Variants in PRDM10 observed in about 807,000 individuals in gnomAD.
The protein encoded by PRDM10 is PR domain zinc finger protein 10.
Under a neutral mutation model 133.1 loss-of-function variants are expected in PRDM10, and 65 were observed. That is an observed-to-expected ratio of 0.49 (90% CI 0.40 to 0.60). The LOEUF (loss-of-function observed/expected upper bound fraction) is 0.60. Ranked by LOEUF, PRDM10 falls within the 20% of genes least tolerant of loss-of-function variation. PRDM10 has a pLI of 0.00. For missense variants in PRDM10, 1,137 were observed against 1,507.1 expected (o/e 0.75, Z 4.07); for synonymous variants, 582 against 580.4 (o/e 1.00, Z -0.04).
Position 129,923,511 on chromosome 11 carries a change from C to G in PRDM10, c.1879-108G>C. The G allele has an allele frequency of 5.8e-6, 7 of 1,206,206 alleles. No homozygotes were observed. The highest frequency in any genetic ancestry group is 6.7e-6 in the Non-Finnish European group (6 of 889,846). 74.7% of individuals were successfully genotyped at this position (1,206,206 alleles called of 1,614,324 possible). On this transcript the variant is annotated intron_variant, in intron 12 of 20. Coordinates refer to ENST00000360871, the MANE Select transcript of PRDM10 (RefSeq NM_199437.2). The surrounding 1 kb of genome is among the most constrained non-coding windows in gnomAD (Gnocchi z 4.4). ...AGCCAAACGCATTACCATGGGTTTT[C>G]ATCAACCCCGCCGAGGAATCCAATC...
At position 129,945,982 on chromosome 11, in the gene PRDM10, A is replaced by C. The variant is rs921305314; in HGVS notation, c.521-970T>G. Among the ~76,000 whole-genome samples the C allele has an allele frequency of 6.6e-6, 1 of 152,134 alleles. No individual in the cohort carries two copies. The highest frequency in any genetic ancestry group is 1.9e-4 in the East Asian group (1 of 5,200). ...CCCAGGTGCAGTGGCTCAGCCTGTAATCCCAGCACTTTGGGAGGCTGAGGT... is the reference window on the plus strand; with the variant it reads ...CCCAGGTGCAGTGGCTCAGCCTGTACTCCCAGCACTTTGGGAGGCTGAGGT... On this transcript the variant is annotated intron_variant, in intron 5 of 20. Coordinates refer to ENST00000360871, the MANE Select transcript of PRDM10 (RefSeq NM_199437.2). This position sits in a 1 kb window ranked among gnomAD's most constrained non-coding sequence, Gnocchi z 4.2.
intron 10 of PRDM10, among the ~76,000 whole-genome samples, chr11:129,931,576 A>ATTTTTTT (rs66505343): frequency 2.8e-5 from 4 of 143,204 alleles, no homozygotes; most frequent in South Asian, 2.2e-4. Context: ...ATTTTATTTT[A>ATTTTTTT]TTTTTTTTTT....
intron 2 of PRDM10, among the ~76,000 whole-genome samples, chr11:129,958,567 C>A (rs1951740185): frequency 6.6e-6 from 1 of 152,140 alleles, no homozygotes; most frequent in African/African-American, 2.4e-5. Flanking sequence ...TTGCTTGAAC[C>A]TGGGAGGCAG....
chr11:129,956,358 A>T (rs1951697323), intron 3 of PRDM10, among the ~76,000 whole-genome samples: 1 of 152,200 alleles, frequency 6.6e-6, no homozygotes, highest in Admixed American at 6.5e-5. Context: ...ACCTGAGGTC[A>T]GGAGATCGAG....
intron 1 of PRDM10, among the ~76,000 whole-genome samples, chr11:129,993,893 A>G (rs1414902063): frequency 6.6e-6 from 1 of 152,154 alleles, no homozygotes; most frequent in African/African-American, 2.4e-5. Context: ...ATGTTTTAGA[A>G]TCAGCTTGTC....
rs745644202 is a variant in PRDM10, at chr11:129,910,583, C to T, written c.3056G>A (p.Ser1019Asn). ...QGLSPSHIQG[S>N]SSTQGQALQQ... ...CAGAGCCTGCCCCTGTGTGGAAGAACTGCCCTGGATGTGGGAGGGGCTGAG... is the reference window on the plus strand; with the variant it reads ...CAGAGCCTGCCCCTGTGTGGAAGAATTGCCCTGGATGTGGGAGGGGCTGAG... Residue 1019 changes from serine (S) to asparagine (N), a missense_variant, in exon 19 of 21, where the codon AGT becomes AAT. Ser to Asn is a conservative substitution (Grantham distance 46, BLOSUM62 1). Coordinates refer to ENST00000360871, the MANE Select transcript of PRDM10 (RefSeq NM_199437.2). 6.2e-7 allele frequency: 1 copy of T among 1,614,050 alleles called. No homozygotes were observed. The highest frequency in any genetic ancestry group is 8.5e-7 in the Non-Finnish European group (1 of 1,179,976).
At chr11:129,952,251 C>A (rs915423834) in intron 4 of PRDM10, among the ~76,000 whole-genome samples, 5 of 152,044 alleles carry the variant, frequency 3.3e-5, no homozygotes, top group African/African-American at 1.2e-4. Context: ...TAAAACTATC[C>A]CTTAATATTA....
intron 4 of PRDM10, among the ~76,000 whole-genome samples, chr11:129,952,686 T>G (rs1397949283): frequency 6.6e-6 from 1 of 151,778 alleles, no homozygotes; most frequent in Non-Finnish European, 1.5e-5. Flanking sequence ...CTGGCTAATT[T>G]TTTTAGTTTT....
At chr11:129,958,958 G>A (rs1251375785) in intron 2 of PRDM10, among the ~76,000 whole-genome samples, 2 of 152,214 alleles carry the variant, frequency 1.3e-5, no homozygotes, top group Non-Finnish European at 2.9e-5. Context: ...CCTGAGCTTG[G>A]CACATGGCCT....
chr11:129,979,484 C>T (rs1937980998), intron 1 of PRDM10, among the ~76,000 whole-genome samples: 1 of 152,138 alleles, frequency 6.6e-6, no homozygotes, highest in South Asian at 2.1e-4. Flanking sequence ...TCAGTCAGCT[C>T]CAGGGTGTGA....
rs3734076 is a variant in PRDM10, at chr11:129,905,704, C to T, written c.3201G>A (p.Gln1067=). Residue 1067 remains glutamine, a synonymous_variant, in exon 20 of 21, where the codon CAG becomes CAA. Coordinates refer to ENST00000360871, the MANE Select transcript of PRDM10 (RefSeq NM_199437.2). ...EIQMMTLPPG[Q]FVITDSGVAT... ...CCACACCACTGTCTGTAATCACAAA[C>T]TGACCCGGAGGAAGCGTCATCATTT... 0.051 allele frequency: 82,042 copies of T among 1,613,848 alleles called. 5,502 individuals carry two copies. Among genetic ancestry groups the T allele is most frequent in the East Asian group, 0.38 (16,977 of 44,858 alleles).
At chr11:129,953,059 C>T (rs568453564) in intron 4 of PRDM10, among the ~76,000 whole-genome samples, 8 of 152,124 alleles carry the variant, frequency 5.3e-5, no homozygotes, top group East Asian at 3.9e-4. Flanking sequence ...CTGCAACCTC[C>T]GCCTCCCAGG....
chr11:130,002,211 C>G (rs1440644189), intron 1 of PRDM10, among the ~76,000 whole-genome samples: 1 of 147,998 alleles, frequency 6.8e-6, no homozygotes, highest in South Asian at 2.1e-4. Context: ...CCGGAGCGCC[C>G]GCGCAACCGC....
chr11:129,963,375 GAA>G (rs58378372), intron 1 of PRDM10, among the ~76,000 whole-genome samples: 11,215 of 47,406 alleles, frequency 0.24, 1,605 homozygotes, highest in African/African-American at 0.43. Flanking sequence ...CCTGCTGAAA[GAA>G]AAAAGAGAGA....
chr11:129,976,070 G>T (rs956506620), intron 1 of PRDM10, among the ~76,000 whole-genome samples: 1 of 152,132 alleles, frequency 6.6e-6, no homozygotes, highest in Middle Eastern at 3.2e-3. Context: ...GACATGGAAG[G>T]TCCTGTCCAG....
chr11:129,926,349 T>C (rs1291996340), intron 11 of PRDM10, among the ~76,000 whole-genome samples: 1 of 152,180 alleles, frequency 6.6e-6, no homozygotes, highest in Non-Finnish European at 1.5e-5. Context: ...TGAAGACTCA[T>C]TCATCCGTTC....
At chr11:129,931,748 T>G (rs1464303561) in intron 10 of PRDM10, among the ~76,000 whole-genome samples, 1 of 151,844 alleles carries the variant, frequency 6.6e-6, no homozygotes, top group Admixed American at 6.6e-5. Flanking sequence ...TTTTGTATTT[T>G]TAGTAGAGAC....
chr11:129,976,995 A>T (rs774482198), intron 1 of PRDM10, among the ~76,000 whole-genome samples: 8 of 152,100 alleles, frequency 5.3e-5, no homozygotes, highest in Non-Finnish European at 1.0e-4. Context: ...TTGCCTGGCA[A>T]GGTTCGTTCC....
chr11:129,992,522 AC>A lies in PRDM10; in HGVS notation c.-119+10199del, dbSNP rs577393287. ...TTTCATCCTAGGCAAAGTGGCCAGG[AC>A]CCGAGCATGGTTTCCACCTGCTGTT... is the stretch of plus-strand genomic sequence containing the variant. On this transcript the variant is annotated intron_variant, in intron 1 of 20. Transcript: ENST00000360871. 2.0e-4 allele frequency among the ~76,000 whole-genome samples: 30 copies of A among 152,312 alleles called. No homozygotes were observed. The East Asian group carries it at 5.6e-3, about 28-fold the overall frequency.
Sources: allele counts gnomAD v4.1 joint callset (sites outside exome capture counted in the v4.1 genomes callset), GRCh38; gene constraint gnomAD v4.1.1; non-coding constraint Gnocchi (gnomAD v3.1); transcripts MANE v1.5; gene names NCBI Gene and HGNC (gene_info 2026-07-23, HGNC 2026-07-21).